The following NBEA variants were observed in gnomAD, a reference collection of about 807,000 sequenced individuals.
NBEA encodes the protein neurobeachin.
NBEA carries 44 observed loss-of-function variants against 343.4 expected under a neutral mutation model. The observed-to-expected ratio is 0.13, with a 90% confidence interval of 0.10 to 0.16. NBEA has a LOEUF of 0.16. Ranked by LOEUF, NBEA falls within the 10% of genes least tolerant of loss-of-function variation. The pLI is 1.00. For synonymous variants in NBEA, 1,175 were observed against 1,238.7 expected (o/e 0.95, Z 1.08); for missense variants, 2,555 against 3,631.3 (o/e 0.70, Z 7.62).
chr13:35,571,483 C>T (rs1324188672), intron 45 of NBEA, among the ~76,000 whole-genome samples: 1 of 151,692 alleles, frequency 6.6e-6, no homozygotes, highest in Non-Finnish European at 1.5e-5. Context: ...AACTTGTTTT[C>T]TCATCTTTAA....
chr13:34,965,321 C>T (rs2152494549), intron 1 of NBEA, among the ~76,000 whole-genome samples: 2 of 152,106 alleles, frequency 1.3e-5, no homozygotes, highest in East Asian at 3.9e-4. Flanking sequence ...AGTGGTAGGA[C>T]TAGTCAGAAT....
At chr13:35,083,171 A>G (rs949594395) in intron 10 of NBEA, among the ~76,000 whole-genome samples, 57 of 152,362 alleles carry the variant, frequency 3.7e-4, no homozygotes, top group African/African-American at 1.3e-3. Flanking sequence ...TTTATTAAAT[A>G]GGGAATCCTT....
chr13:35,589,949 T>A (rs2081456979), intron 46 of NBEA, among the ~76,000 whole-genome samples: 1 of 151,934 alleles, frequency 6.6e-6, no homozygotes, highest in Non-Finnish European at 1.5e-5. Flanking sequence ...GACTAACGAG[T>A]TCCAGAATTG....
At chr13:35,667,859 C>T (rs1268259362) in intron 57 of NBEA, among the ~76,000 whole-genome samples, 1 of 152,150 alleles carries the variant, frequency 6.6e-6, no homozygotes, top group African/African-American at 2.4e-5. Context: ...TTCAGTGCTG[C>T]ACCCTCACAA....
intron 33 of NBEA, among the ~76,000 whole-genome samples, chr13:35,230,872 A>G (rs2074932974): frequency 6.6e-6 from 1 of 152,080 alleles, no homozygotes; most frequent in Admixed American, 6.6e-5. Context: ...TGCTTGCCGT[A>G]CACACAGACC....
At chr13:35,200,190 T>C (rs926711276) in intron 31 of NBEA, among the ~76,000 whole-genome samples, 2 of 151,984 alleles carry the variant, frequency 1.3e-5, no homozygotes, top group African/African-American at 2.4e-5. Flanking sequence ...ACTATCTCTT[T>C]AGATAGATTG....
At chr13:35,343,515 C>T (rs1295841419) in intron 36 of NBEA, among the ~76,000 whole-genome samples, 1 of 152,070 alleles carries the variant, frequency 6.6e-6, no homozygotes, top group Non-Finnish European at 1.5e-5. Context: ...AATCCCTGGG[C>T]CACAGGCTAG....
intron 30 of NBEA, among the ~76,000 whole-genome samples, chr13:35,191,530 T>A (rs1488633736): frequency 6.6e-6 from 1 of 152,018 alleles, no homozygotes; most frequent in East Asian, 1.9e-4. Context: ...ATTGCAGTAT[T>A]TTTGTTTAAA....
At chr13:35,604,968 G>T (rs1000070888) in intron 47 of NBEA, among the ~76,000 whole-genome samples, 10 of 152,086 alleles carry the variant, frequency 6.6e-5, no homozygotes, top group African/African-American at 1.9e-4. Context: ...TTCTACATCT[G>T]CCCCACAGGC....
At chr13:35,321,668 C>G (rs191112653) in intron 36 of NBEA, among the ~76,000 whole-genome samples, 4 of 147,602 alleles carry the variant, frequency 2.7e-5, no homozygotes, top group African/African-American at 1.1e-4. Flanking sequence ...TGGGCAGGAA[C>G]ATTTAAGTCT....
intron 34 of NBEA, among the ~76,000 whole-genome samples, chr13:35,242,671 T>TA (rs776504231): frequency 3.3e-5 from 5 of 151,858 alleles, no homozygotes; most frequent in Non-Finnish European, 5.9e-5. Context: ...AATGAGCCTC[T>TA]ATAAGTTATC....
chr13:34,948,695 C>T (rs2059261877), intron 1 of NBEA, among the ~76,000 whole-genome samples: 1 of 151,996 alleles, frequency 6.6e-6, no homozygotes, highest in Non-Finnish European at 1.5e-5. Flanking sequence ...ACTTTGTGGT[C>T]CTCTAGCAGT....
chr13:35,298,000 TC>T (rs2036250593), intron 35 of NBEA, among the ~76,000 whole-genome samples: 1 of 151,426 alleles, frequency 6.6e-6, no homozygotes, highest in South Asian at 2.1e-4. Flanking sequence ...AACTTTTTAC[TC>T]CCCCAAAACT....
intron 44 of NBEA, among the ~76,000 whole-genome samples, chr13:35,560,463 G>A (rs561017798): frequency 5.9e-5 from 9 of 152,278 alleles, no homozygotes; most frequent in African/African-American, 1.7e-4. Flanking sequence ...TATCTTTAAT[G>A]TAGAAGCTGG....
intron 38 of NBEA, among the ~76,000 whole-genome samples, chr13:35,389,692 G>A (rs1262989848): frequency 6.6e-6 from 1 of 152,032 alleles, no homozygotes; most frequent in African/African-American, 2.4e-5. Flanking sequence ...TTGATTGCAA[G>A]CATTTATTAT....
intron 1 of NBEA, among the ~76,000 whole-genome samples, chr13:35,021,483 C>T (rs2061836954): frequency 6.6e-6 from 1 of 152,118 alleles, no homozygotes. Flanking sequence ...TGCCACAATT[C>T]TGGCAGTTAT....
intron 38 of NBEA, among the ~76,000 whole-genome samples, chr13:35,356,777 C>T (rs768515146): frequency 8.5e-5 from 13 of 152,136 alleles, no homozygotes; most frequent in Admixed American, 5.2e-4. Flanking sequence ...ACCACAGCCA[C>T]CCTGGCCTCT....
chr13:35,326,172 C>G (rs2038544930), intron 36 of NBEA, among the ~76,000 whole-genome samples: 1 of 151,998 alleles, frequency 6.6e-6, no homozygotes, highest in Admixed American at 6.6e-5. Context: ...ATAAGTTTTT[C>G]TAAATCTGTG....
intron 48 of NBEA, among the ~76,000 whole-genome samples, chr13:35,625,339 A>G (rs1409973250): frequency 2.6e-5 from 4 of 152,202 alleles, no homozygotes; most frequent in Non-Finnish European, 5.9e-5. Context: ...AAATCAGGCC[A>G]GGTGCAGTTG....
Sources: allele counts gnomAD v4.1 joint callset (sites outside exome capture counted in the v4.1 genomes callset), GRCh38; gene constraint gnomAD v4.1.1; transcripts MANE v1.5; gene names NCBI Gene and HGNC (gene_info 2026-07-23, HGNC 2026-07-21).